The following ABCG2 variants were observed in gnomAD, a reference collection of about 807,000 sequenced individuals.
The protein encoded by ABCG2 is broad substrate specificity ATP-binding cassette transporter ABCG2.
A neutral mutation model predicts 73.5 loss-of-function variants in ABCG2; 80 were observed. That is an observed-to-expected ratio of 1.09 (90% CI 0.91 to 1.31). The LOEUF (loss-of-function observed/expected upper bound fraction) is 1.31, where lower values mean the gene tolerates loss of function less well. ABCG2 is among the 50% of genes most tolerant of loss of function. The pLI is 0.00. For missense variants in ABCG2, 796 were observed against 786.2 expected (o/e 1.01, Z -0.15); for synonymous variants, 269 against 282.4 (o/e 0.95, Z 0.48).
intron 1 of ABCG2, among the ~76,000 whole-genome samples, chr4:88,170,185 G>A (rs1320033539): frequency 6.6e-6 from 1 of 151,028 alleles, no homozygotes; most frequent in Non-Finnish European, 1.5e-5. Flanking sequence ...TCAAGACACA[G>A]CTTTGAGACA....
chr4:88,209,045 G>T (rs1284036266), intron 1 of ABCG2, among the ~76,000 whole-genome samples: 1 of 150,228 alleles, frequency 6.7e-6, no homozygotes, highest in Non-Finnish European at 1.5e-5. Context: ...AGGTGCAGTG[G>T]TTTAAGCCTA....
intron 1 of ABCG2, among the ~76,000 whole-genome samples, chr4:88,157,553 T>C (rs1318170013): frequency 6.6e-6 from 1 of 152,178 alleles, no homozygotes; most frequent in Non-Finnish European, 1.5e-5. Flanking sequence ...TCAAATTATT[T>C]CACAATTAAA....
chr4:88,109,075 T>G (rs577388015), intron 9 of ABCG2, among the ~76,000 whole-genome samples: 2 of 151,036 alleles, frequency 1.3e-5, no homozygotes, highest in African/African-American at 2.4e-5. Flanking sequence ...CTCGGCTCAC[T>G]GTAACCTCCA....
At chr4:88,196,855 A>G (rs1414275495) in intron 1 of ABCG2, among the ~76,000 whole-genome samples, 13 of 152,024 alleles carry the variant, frequency 8.6e-5, no homozygotes, top group Admixed American at 7.9e-4. Flanking sequence ...TAAATACACC[A>G]GAACATTCTG....
chr4:88,154,690 A>T lies in ABCG2; in HGVS notation c.-20+3696T>A, dbSNP rs573077539. 3.3e-5 allele frequency among the ~76,000 whole-genome samples: 5 copies of T among 152,252 alleles called. No individual in the cohort carries two copies. In the East Asian group the frequency reaches 9.7e-4, roughly 29 times the overall value. ...CATGGGGGTCAGGTGTGGTATCAGGAATAATGTGGGAGGCCGGATTGAAGT... is the reference window on the plus strand; with the variant it reads ...CATGGGGGTCAGGTGTGGTATCAGGTATAATGTGGGAGGCCGGATTGAAGT... On this transcript the variant is annotated intron_variant, in intron 1 of 15. Coordinates refer to ENST00000237612, the MANE Select transcript of ABCG2 (RefSeq NM_004827.3).
chr4:88,128,493 T>G (rs1476450601), intron 5 of ABCG2, among the ~76,000 whole-genome samples: 3 of 152,160 alleles, frequency 2.0e-5, no homozygotes, highest in Non-Finnish European at 4.4e-5. Flanking sequence ...TGCAGCACTA[T>G]TCACAATAGC....
At chr4:88,181,151 C>T (rs2110100003) in intron 1 of ABCG2, among the ~76,000 whole-genome samples, 1 of 151,976 alleles carries the variant, frequency 6.6e-6, no homozygotes, top group East Asian at 1.9e-4. Flanking sequence ...CCTGTAATCC[C>T]AGCACTTTGG....
At position 88,137,428 on chromosome 4, in the gene ABCG2, A is replaced by G. The variant is rs116914853; in HGVS notation, c.203+2365T>C. Among the ~76,000 whole-genome samples the G allele has an allele frequency of 3.5e-4, 54 of 152,336 alleles. 2 individuals carry two copies. In the East Asian group the frequency reaches 0.01, roughly 29 times the overall value. ...AATCAATTACCAAGGGGAAAGGGTG[A>G]CATTATAGCCAAGTTTGGCAGACAT... is the stretch of plus-strand genomic sequence containing the variant. On this transcript the variant is annotated intron_variant, in intron 2 of 15. Coordinates refer to ENST00000237612, the MANE Select transcript of ABCG2 (RefSeq NM_004827.3).
chr4:88,184,015 C>G (rs1006197500), intron 1 of ABCG2, among the ~76,000 whole-genome samples: 13 of 152,120 alleles, frequency 8.5e-5, no homozygotes, highest in African/African-American at 3.1e-4. Context: ...AACATCCCTT[C>G]ATGATAAAAA....
chr4:88,169,746 A>AC (rs759725323), intron 1 of ABCG2, among the ~76,000 whole-genome samples: 3 of 152,082 alleles, frequency 2.0e-5, no homozygotes, highest in Non-Finnish European at 4.4e-5. Flanking sequence ...ATGTCATCTA[A>AC]CCCCTCATTA....
upstream of ABCG2, among the ~76,000 whole-genome samples, chr4:88,160,156 G>A (rs45464296): frequency 0.022 from 3,325 of 151,704 alleles, 114 homozygotes; most frequent in African/African-American, 0.074. Context: ...AACAAGAAGC[G>A]CTTGAACACA....
At chr4:88,110,534 C>T (rs1406095074) in intron 9 of ABCG2, among the ~76,000 whole-genome samples, 1 of 152,032 alleles carries the variant, frequency 6.6e-6, no homozygotes, top group African/African-American at 2.4e-5. Context: ...CAGAGCATGA[C>T]TCTGTCTCAG....
At chr4:88,168,613 T>C (rs745594454) in intron 1 of ABCG2, among the ~76,000 whole-genome samples, 2 of 151,756 alleles carry the variant, frequency 1.3e-5, no homozygotes, top group Non-Finnish European at 2.9e-5. Context: ...GATAGTACAG[T>C]AGAGTATATA....
At chr4:88,216,540 C>T (rs1729819798) in intron 1 of ABCG2, among the ~76,000 whole-genome samples, 1 of 152,174 alleles carries the variant, frequency 6.6e-6, no homozygotes, top group Non-Finnish European at 1.5e-5. Flanking sequence ...TTTTCCCTCA[C>T]CAAGGCTGCT....
intron 1 of ABCG2, among the ~76,000 whole-genome samples, chr4:88,199,157 C>T (rs1257793694): frequency 4.0e-5 from 6 of 151,868 alleles, no homozygotes; most frequent in African/African-American, 1.5e-4. Flanking sequence ...TTAGTAAAGA[C>T]GGGGTTTCAC....
intron 1 of ABCG2, among the ~76,000 whole-genome samples, chr4:88,153,063 C>G (rs1471476891): frequency 6.6e-6 from 1 of 151,958 alleles, no homozygotes; most frequent in Non-Finnish European, 1.5e-5. Flanking sequence ...ATTGGGAGGA[C>G]CCAGGACATC....
chr4:88,160,380 T>G (rs1031910788), upstream of ABCG2, among the ~76,000 whole-genome samples: 1 of 152,258 alleles, frequency 6.6e-6, no homozygotes, highest in South Asian at 2.1e-4. Flanking sequence ...AGAATAAAAT[T>G]TTATGATACC....
In ABCG2 at chr4:88,092,704, A is replaced by G. The variant is rs192232734; in HGVS notation, c.1821-323T>C. On this transcript the variant is annotated intron_variant, in intron 15 of 15. Transcript: ENST00000237612. ...AATCACCAAGTTTTTAGCCTACTCAAATTTATTGGTTTCCAAATCTGTAAT... is the reference window on the plus strand; with the variant it reads ...AATCACCAAGTTTTTAGCCTACTCAGATTTATTGGTTTCCAAATCTGTAAT... Among the ~76,000 whole-genome samples the G allele has an allele frequency of 3.9e-5, 6 of 152,312 alleles. No individual in the cohort carries two copies. In the East Asian group the frequency reaches 1.2e-3, roughly 29 times the overall value.
upstream of ABCG2, chr4:88,159,028 G>A (rs76656413): frequency 4.2e-4 from 169 of 406,814 alleles, 1 homozygote; most frequent in East Asian, 9.8e-3. Flanking sequence ...AAGCGCACAC[G>A]TGTCCTGCCG....
Sources: gnomAD v4.1 joint callset for allele counts (sites outside exome capture counted in the v4.1 genomes callset) on GRCh38, gnomAD v4.1.1 for gene constraint, MANE v1.5 for transcripts, NCBI Gene and HGNC (gene_info 2026-07-23, HGNC 2026-07-21) for gene names.